NALF2: variants seen among roughly 807,000 people sequenced by gnomAD.
NALF2 encodes the protein bB57D9.1 (TED protein).
NALF2 carries 1 observed loss-of-function variant against 24.8 expected under a neutral mutation model. That is an observed-to-expected ratio of 0.04 (90% CI 0.01 to 0.19). The LOEUF is 0.19. Ranked by LOEUF, NALF2 falls within the 10% of genes least tolerant of loss-of-function variation. The pLI is 1.00. For synonymous variants in NALF2, 254 were observed against 189.8 expected (o/e 1.34, Z -2.78); for missense variants, 458 against 409.6 (o/e 1.12, Z -1.02).
intron 1 of NALF2, among the ~76,000 whole-genome samples, chrX:69,526,680 GA>G (rs1260093300): frequency 2.7e-5 from 3 of 111,193 alleles, no homozygotes; most frequent in Non-Finnish European, 3.8e-5. Flanking sequence ...CCTTTGGTGA[GA>G]GGGGTAAGGG....
intron 1 of NALF2, 77 bp downstream of exon 1, chrX:69,506,220 G>T: frequency 1.9e-6 from 2 of 1,074,031 alleles, no homozygotes; most frequent in South Asian, 2.0e-5. Flanking sequence ...GAGAAAAAAG[G>T]AAGTCTCCCT....
At chrX:69,510,161 C>G (rs1223738933) in intron 1 of NALF2, among the ~76,000 whole-genome samples, 3 of 112,394 alleles carry the variant, frequency 2.7e-5, no homozygotes, top group Non-Finnish European at 5.6e-5. Context: ...AGAGTTGGAC[C>G]AGGTGACCTT....
At position 69,504,965 on chromosome X, in the gene NALF2, G is replaced by GCGC. The variant is rs1406775021; in HGVS notation, c.-308_-306dup. ...GGGGCCCGACACTATGAGGAGTGCG[G>GCGC]CGCCGCCGCCGCAGCCGCCACCGCC... On this transcript the variant is annotated 5_prime_UTR_variant, in exon 1 of 3. Coordinates refer to ENST00000252338, the MANE Select transcript of NALF2 (RefSeq NM_015686.3). Among the ~76,000 whole-genome samples, 5 of 107,122 alleles carry GCGC rather than the reference G, an allele frequency of 4.7e-5. No individual in the cohort carries two copies. The highest frequency in any genetic ancestry group is 9.8e-5 in the Non-Finnish European group (5 of 51,027). 93.0% of individuals were successfully genotyped at this position (107,122 alleles called of 115,157 possible).
intron 1 of NALF2, among the ~76,000 whole-genome samples, chrX:69,508,468 T>TAAGA (rs1203748224): frequency 3.6e-5 from 4 of 111,140 alleles, no homozygotes; most frequent in African/African-American, 1.3e-4. Flanking sequence ...TTTGTCTTCT[T>TAAGA]GTCTGTCTCT....
chrX:69,529,981 C>T lies in NALF2; in HGVS notation c.*25C>T, dbSNP rs1156490978. On this transcript the variant is annotated 3_prime_UTR_variant, in exon 3 of 3. Coordinates refer to ENST00000252338, the MANE Select transcript of NALF2 (RefSeq NM_015686.3). ...ACAGTAGGGAGGGAGGACAGACCTC[C>T]ACCACACTGACATCAGCTCCAGCTC... 1 of 1,116,774 alleles carries T rather than the reference C, an allele frequency of 9.0e-7. No homozygotes were observed. The highest frequency in any genetic ancestry group is 3.1e-5 in the East Asian group (1 of 32,733). 92.0% of individuals were successfully genotyped at this position (1,116,774 alleles called of 1,213,427 possible).
chrX:69,529,237 A>G (rs1930857026), intron 2 of NALF2, 73 bp downstream of exon 2: 1 of 1,057,122 alleles, frequency 9.5e-7, no homozygotes, highest in African/African-American at 1.9e-5. Flanking sequence ...AGGAGTTGGG[A>G]GCAGGGATAA....
At position 69,506,179 on chromosome X, in the gene NALF2, T is replaced by G. The variant is rs771817748; in HGVS notation, c.861+36T>G. The G allele has an allele frequency of 2.5e-6, 3 of 1,179,733 alleles. No homozygotes were observed. In the East Asian group the frequency reaches 9.1e-5, roughly 36 times the overall value. ...GCTTCCGCAGCCACAGCAGCCGCCC[T>G]GGGCAGCGGCAGCGGCCGCAGTGGG... is the stretch of plus-strand genomic sequence containing the variant. On this transcript the variant is annotated intron_variant, in intron 1 of 2. Transcript: ENST00000252338.
intron 1 of NALF2, among the ~76,000 whole-genome samples, chrX:69,527,668 G>T (rs1363830331): frequency 8.9e-6 from 1 of 112,077 alleles, no homozygotes; most frequent in Non-Finnish European, 1.9e-5. Context: ...GAGAACCATT[G>T]CTGTGAGGAA....
chrX:69,506,988 G>A (rs779483210), intron 1 of NALF2, among the ~76,000 whole-genome samples: 4 of 112,095 alleles, frequency 3.6e-5, no homozygotes, highest in East Asian at 2.8e-4. Flanking sequence ...CTTGACCCTC[G>A]GCGGGGTTGC....
At position 69,504,345 on chromosome X, in the gene NALF2, C is replaced by G. The variant is rs930049130; in HGVS notation, c.-938C>G. Among the ~76,000 whole-genome samples, 2 of 112,694 alleles carry G rather than the reference C, an allele frequency of 1.8e-5. No individual in the cohort carries two copies. Among genetic ancestry groups the G allele is most frequent in the Non-Finnish European group, 3.8e-5 (2 of 53,139 alleles). On this transcript the variant is annotated 5_prime_UTR_variant, in exon 1 of 3. Coordinates refer to ENST00000252338, the MANE Select transcript of NALF2 (RefSeq NM_015686.3). ...GGGGCACCAGTCCCGCTCCCTCCTC[C>G]TCTCCGTGCCTCTTTCTCCGCCCTG... is the stretch of plus-strand genomic sequence containing the variant.
chrX:69,508,994 C>T (rs1413248713), intron 1 of NALF2, among the ~76,000 whole-genome samples: 1 of 112,583 alleles, frequency 8.9e-6, no homozygotes, highest in Non-Finnish European at 1.9e-5. Context: ...CCCCAGAAAC[C>T]CTGTTCTCTG....
Position 69,505,690 on chromosome X carries a change from C to T in NALF2, c.408C>T (p.Gly136=). 8.3e-7 allele frequency: 1 copy of T among 1,208,834 alleles called. No individual in the cohort carries two copies. Among genetic ancestry groups the T allele is most frequent in the Non-Finnish European group, 1.1e-6 (1 of 894,410 alleles). The change falls in exon 1 of 3, where the codon GGC becomes GGT. Residue 136 remains glycine, a synonymous_variant. Transcript: ENST00000252338. ...CCGGCTCTCGGCCGGTCTGCGGCGG[C>T]GTCCCAGAGCCCACGGGGCTGGACG... is the stretch of plus-strand genomic sequence containing the variant. ...PAAGSRPVCG[G]VPEPTGLDAA...
intron 1 of NALF2, among the ~76,000 whole-genome samples, chrX:69,524,368 C>T (rs754380993): frequency 2.7e-5 from 3 of 111,219 alleles, no homozygotes; most frequent in South Asian, 7.6e-4. Flanking sequence ...CTGGGATTAC[C>T]ATCATGAGCC....
Position 69,505,857 on chromosome X carries a change from G to A in NALF2, c.575G>A (p.Arg192Gln), listed in dbSNP as rs1569257041. 4 of 1,210,861 alleles carry A rather than the reference G, an allele frequency of 3.3e-6. No individual in the cohort carries two copies. The Middle Eastern group carries it at 9.2e-4, about 278-fold the overall frequency. The change falls in exon 1 of 3, where the codon CGG becomes CAG. Residue 192 changes from arginine (R) to glutamine (Q), a missense_variant. By Grantham distance (43) the Arg-to-Gln change is conservative. Transcript: ENST00000252338. Reference sequence around the variant, plus strand: ...AAAAACTTGCTCAAAGGCCACTTTCGGAACTTCACTCTCTCCTTTTGCGAC... The same window carrying A: ...AAAAACTTGCTCAAAGGCCACTTTCAGAACTTCACTCTCTCCTTTTGCGAC... ...AKKNLLKGHF[R>Q]NFTLSFCDTY... is the part of the protein sequence containing the mutation.
intron 1 of NALF2, among the ~76,000 whole-genome samples, chrX:69,508,968 G>A (rs1930538139): frequency 8.9e-6 from 1 of 112,519 alleles, no homozygotes; most frequent in Non-Finnish European, 1.9e-5. Context: ...GCATCAGTTA[G>A]CTCTTCCCTG....
At chrX:69,517,901 G>A (rs1569259144) in intron 1 of NALF2, among the ~76,000 whole-genome samples, 1 of 112,875 alleles carries the variant, frequency 8.9e-6, no homozygotes, top group Non-Finnish European at 1.9e-5. Flanking sequence ...GTAAGGATCT[G>A]TCTTTGGTGA....
At chrX:69,527,033 A>T (rs1930818480) in intron 1 of NALF2, among the ~76,000 whole-genome samples, 1 of 111,639 alleles carries the variant, frequency 9.0e-6, no homozygotes, top group Non-Finnish European at 1.9e-5. Context: ...GTGCAGGTGG[A>T]GAGGCCAGAT....
chrX:69,526,959 T>C (rs1169287524), intron 1 of NALF2, among the ~76,000 whole-genome samples: 1 of 112,220 alleles, frequency 8.9e-6, no homozygotes, highest in African/African-American at 3.2e-5. Context: ...AGGAGTAACA[T>C]GAGTCAATTG....
chrX:69,526,409 A>G (rs1005869714), intron 1 of NALF2, among the ~76,000 whole-genome samples: 1 of 111,895 alleles, frequency 8.9e-6, no homozygotes, highest in Non-Finnish European at 1.9e-5. Flanking sequence ...TATGCCATAG[A>G]TTCAAATTAG....
Sources: gnomAD v4.1 joint callset for allele counts (sites outside exome capture counted in the v4.1 genomes callset) on GRCh38, gnomAD v4.1.1 for gene constraint, MANE v1.5 for transcripts, NCBI Gene and HGNC (gene_info 2026-07-23, HGNC 2026-07-21) for gene names.